DLGAP1: variants seen among roughly 807,000 people sequenced by gnomAD.
DLGAP1 encodes the protein disks large-associated protein 1.
A neutral mutation model predicts 90.8 loss-of-function variants in DLGAP1; 11 were observed. That is an observed-to-expected ratio of 0.12 (90% CI 0.08 to 0.20). DLGAP1 has a LOEUF of 0.20. Among genes scored for constraint, DLGAP1 ranks in the 10% least tolerant of loss-of-function variants. The pLI is 1.00. For synonymous variants in DLGAP1, 558 were observed against 540.7 expected, an observed-to-expected ratio of 1.03 and a Z score of -0.44; for missense variants, 1,050 against 1,333.8, an observed-to-expected ratio of 0.79 and a Z score of 3.31.
At chr18:3,984,741 T>G (rs1187454784) in intron 3 of DLGAP1, among the ~76,000 whole-genome samples, 1 of 152,102 alleles carries the variant, frequency 6.6e-6, no homozygotes, top group African/African-American at 2.4e-5. Context: ...TTGAATCCCC[T>G]GCCCCTAGTC....
intron 2 of DLGAP1, among the ~76,000 whole-genome samples, chr18:4,064,091 T>C (rs954950383): frequency 6.6e-6 from 1 of 152,064 alleles, no homozygotes; most frequent in Non-Finnish European, 1.5e-5. Context: ...TCAAAAGCTT[T>C]GTTGTCATTG....
intron 1 of DLGAP1, among the ~76,000 whole-genome samples, chr18:4,376,464 G>A (rs2082016096): frequency 6.6e-6 from 1 of 152,078 alleles, no homozygotes; most frequent in Non-Finnish European, 1.5e-5. Context: ...AATTTCAGTG[G>A]AAATAAAAGT....
intron 1 of DLGAP1, among the ~76,000 whole-genome samples, chr18:4,338,002 G>A (rs1320648622): frequency 2.0e-5 from 3 of 152,094 alleles, no homozygotes; most frequent in Non-Finnish European, 2.9e-5. Flanking sequence ...TTTTAAAACA[G>A]AGTGAATCAT....
intron 4 of DLGAP1, among the ~76,000 whole-genome samples, chr18:3,866,953 C>A (rs971801661): frequency 6.6e-6 from 1 of 152,178 alleles, no homozygotes; most frequent in African/African-American, 2.4e-5. Context: ...CGGGTTCAAG[C>A]AATTCTCCTG....
chr18:3,939,439 A>AC (rs2072719227), intron 3 of DLGAP1, among the ~76,000 whole-genome samples: 3 of 134,316 alleles, frequency 2.2e-5, no homozygotes, highest in Non-Finnish European at 4.9e-5. Flanking sequence ...AAAAAAAAAA[A>AC]CCAACAAAAA....
At position 3,496,968 on chromosome 18, in the gene DLGAP1, T is replaced by A. The variant is rs1254275556; in HGVS notation, c.*2217A>T. 6.6e-6 allele frequency: 1 copy of A among 152,214 alleles called. No homozygotes were observed. Among genetic ancestry groups the A allele is most frequent in the Non-Finnish European group, 1.5e-5 (1 of 68,032 alleles). The allele number at this position is 152,214 out of a possible 1,614,324, so 9.4% of individuals were successfully genotyped here. ...CCTTCTCTTGTCTCTCTTTAAAATATCATGGGCTAAATTAGTTTCCAAAGA... is the reference window on the plus strand; with the variant it reads ...CCTTCTCTTGTCTCTCTTTAAAATAACATGGGCTAAATTAGTTTCCAAAGA... On this transcript the variant is annotated 3_prime_UTR_variant, in exon 13 of 13. Transcript: ENST00000315677.
chr18:3,523,700 A>G (rs1026632553), intron 10 of DLGAP1, among the ~76,000 whole-genome samples: 10 of 152,094 alleles, frequency 6.6e-5, no homozygotes, highest in South Asian at 2.1e-4. Context: ...ACAAAAAATT[A>G]GCCAGGCGTG....
At chr18:3,615,689 C>T (rs2057832891) in intron 7 of DLGAP1, among the ~76,000 whole-genome samples, 1 of 152,160 alleles carries the variant, frequency 6.6e-6, no homozygotes, top group South Asian at 2.1e-4. Flanking sequence ...TAAAATTTCT[C>T]AAGTCTGTCT....
intron 1 of DLGAP1, among the ~76,000 whole-genome samples, chr18:4,344,761 T>C (rs2081271727): frequency 6.6e-6 from 1 of 152,188 alleles, no homozygotes; most frequent in South Asian, 2.1e-4. Flanking sequence ...GAAACCAATC[T>C]GTCCTCAGAG....
chr18:4,346,623 T>C (rs1186367821), intron 1 of DLGAP1, among the ~76,000 whole-genome samples: 1 of 152,202 alleles, frequency 6.6e-6, no homozygotes, highest in Non-Finnish European at 1.5e-5. Flanking sequence ...AAACAGTGGA[T>C]TTGGAACTTA....
intron 1 of DLGAP1, among the ~76,000 whole-genome samples, chr18:4,452,950 T>C (rs1323388011): frequency 4.6e-5 from 7 of 152,190 alleles, no homozygotes; most frequent in Non-Finnish European, 1.0e-4. Flanking sequence ...AGATAAAGTA[T>C]TGTATTTGCA....
chr18:4,258,010 T>TGTGCGCGC (rs529531621), intron 1 of DLGAP1, among the ~76,000 whole-genome samples: 1 of 137,006 alleles, frequency 7.3e-6, no homozygotes, highest in African/African-American at 2.9e-5. Context: ...TGTGTGTGTG[T>TGTGCGCGC]GCGCGCGCGC....
intron 9 of DLGAP1, among the ~76,000 whole-genome samples, chr18:3,543,461 G>A (rs773910226): frequency 6.6e-6 from 1 of 152,090 alleles, no homozygotes; most frequent in Non-Finnish European, 1.5e-5. Flanking sequence ...CACCTCATCC[G>A]GCCCCATGAC....
intron 2 of DLGAP1, among the ~76,000 whole-genome samples, chr18:4,026,023 A>G (rs2074693690): frequency 6.6e-6 from 1 of 152,112 alleles, no homozygotes; most frequent in Non-Finnish European, 1.5e-5. Context: ...GACAGTCCCC[A>G]CTCTTTTCAG....
chr18:3,838,457 A>G (rs1490266417), intron 4 of DLGAP1, among the ~76,000 whole-genome samples: 3 of 152,176 alleles, frequency 2.0e-5, no homozygotes, highest in Admixed American at 6.6e-5. Flanking sequence ...CATACACAAA[A>G]AGTTCAAAAC....
chr18:4,325,608 C>G (rs2143658126), intron 1 of DLGAP1, among the ~76,000 whole-genome samples: 1 of 152,282 alleles, frequency 6.6e-6, no homozygotes, highest in South Asian at 2.1e-4. Context: ...TACCCAACTT[C>G]AAACTATACT....
At chr18:3,891,178 A>T (rs1458911808) in intron 3 of DLGAP1, among the ~76,000 whole-genome samples, 1 of 151,998 alleles carries the variant, frequency 6.6e-6, no homozygotes, top group Non-Finnish European at 1.5e-5. Context: ...TATTCCATAC[A>T]CTGTTTCCTC....
intron 12 of DLGAP1, chr18:3,502,094 A>AT: frequency 4.1e-6 from 4 of 977,404 alleles, no homozygotes; most frequent in Non-Finnish European, 4.9e-6. Context: ...AGGGCATCCT[A>AT]TTTTTCTTGA....
intron 1 of DLGAP1, among the ~76,000 whole-genome samples, chr18:4,284,074 G>A (rs1481446881): frequency 6.6e-6 from 1 of 151,966 alleles, no homozygotes; most frequent in South Asian, 2.1e-4. Context: ...GAGGTGGAGG[G>A]GGGAGGATGG....
Sources: gnomAD v4.1 joint callset for allele counts (sites outside exome capture counted in the v4.1 genomes callset) on GRCh38, gnomAD v4.1.1 for gene constraint, MANE v1.5 for transcripts, NCBI Gene and HGNC (gene_info 2026-07-23, HGNC 2026-07-21) for gene names.